The following TYR variants were observed in gnomAD, a reference collection of about 807,000 sequenced individuals.
TYR encodes the protein tyrosinase, also known as LB24-AB.
In TYR, 58 loss-of-function variants were observed where a neutral mutation model predicts 51.5. The observed-to-expected ratio is 1.13, with a 90% CI of 0.91 to 1.40. The LOEUF (loss-of-function observed/expected upper bound fraction) is 1.40, where lower values mean the gene tolerates loss of function less well. Ranked by LOEUF, TYR falls within the 40% of genes most tolerant of loss-of-function variation. The pLI is 0.00. For synonymous variants in TYR, 263 were observed against 235.2 expected (o/e 1.12, Z -1.08); for missense variants, 732 against 647.4 (o/e 1.13, Z -1.42).
intron 4 of TYR, chr11:89,294,376 C>G (rs1944882944): frequency 6.5e-6 from 1 of 152,910 alleles, no homozygotes; most frequent in African/African-American, 2.4e-5. Context: ...GGCTATTATT[C>G]TTACATATAT....
chr11:89,190,361 C>T (rs915298106), intron 1 of TYR, among the ~76,000 whole-genome samples: 1 of 152,082 alleles, frequency 6.6e-6, no homozygotes, highest in Non-Finnish European at 1.5e-5. Context: ...ATATTGACAA[C>T]TTTGACTCTG....
intron 3 of TYR, among the ~76,000 whole-genome samples, chr11:89,262,970 A>AC (rs1944480140): frequency 6.6e-6 from 1 of 151,728 alleles, no homozygotes; most frequent in Admixed American, 6.6e-5. Context: ...CTTTCAAAAA[A>AC]AGTAGAGTAG....
chr11:89,183,622 C>T (rs901278842), intron 1 of TYR, among the ~76,000 whole-genome samples: 1 of 151,922 alleles, frequency 6.6e-6, no homozygotes, highest in African/African-American at 2.4e-5. Context: ...CGATTTTTGT[C>T]CCTAAAATTA....
chr11:89,235,873 T>C (rs1421908614), intron 3 of TYR, among the ~76,000 whole-genome samples: 1 of 152,124 alleles, frequency 6.6e-6, no homozygotes, highest in Non-Finnish European at 1.5e-5. Flanking sequence ...TGTGAGGTGA[T>C]TGCCATTTTA....
At chr11:89,209,802 A>G (rs1027989625) in intron 2 of TYR, among the ~76,000 whole-genome samples, 15 of 152,186 alleles carry the variant, frequency 9.9e-5, no homozygotes, top group Admixed American at 7.2e-4. Context: ...TGCAGGCTCC[A>G]TTGGTGATAC....
chr11:89,190,404 TCA>T (rs1943427480), intron 1 of TYR, among the ~76,000 whole-genome samples: 1 of 152,126 alleles, frequency 6.6e-6, no homozygotes, highest in East Asian at 1.9e-4. Context: ...TGCTTGTGTC[TCA>T]GTTTTTAACG....
rs572327637 is a variant in TYR at position 89,244,846 on chromosome 11, T to G, written c.1184+16876T>G. Among the ~76,000 whole-genome samples, 14 of 152,340 alleles carry G rather than the reference T, an allele frequency of 9.2e-5. No homozygotes were observed. In the South Asian group the frequency reaches 2.3e-3, roughly 25 times the overall value. On this transcript the variant is annotated intron_variant, in intron 3 of 4. Coordinates refer to ENST00000263321, the MANE Select transcript of TYR (RefSeq NM_000372.5). ...CCATGGGGATGAAGTGATTACTAAA[T>G]ACTATTATTCTCCAACTAGTTTCCT...
intron 2 of TYR, among the ~76,000 whole-genome samples, chr11:89,209,336 G>C (rs1000123176): frequency 1.3e-5 from 2 of 152,184 alleles, no homozygotes; most frequent in African/African-American, 2.4e-5. Context: ...CTTGTTCACT[G>C]CTAGTGCAGC....
At position 89,196,317 on chromosome 11, in the gene TYR, A is replaced by G. The variant is rs12808283; in HGVS notation, c.1036+4899A>G. ...GGGAGGATGGAAAATTCATGAAGAT[A>G]GAACCAAAAATAAATAATGTTTCTG... On this transcript the variant is annotated intron_variant, in intron 2 of 4. Coordinates refer to ENST00000263321, the MANE Select transcript of TYR (RefSeq NM_000372.5). 2.1e-4 allele frequency among the ~76,000 whole-genome samples: 32 copies of G among 152,212 alleles called. No individual in the cohort carries two copies. The South Asian group carries it at 6.6e-3, about 32-fold the overall frequency.
In TYR at chr11:89,266,467, G is replaced by A. The variant is rs182979012; in HGVS notation, c.1185-18306G>A. Among the ~76,000 whole-genome samples, 38 of 151,448 alleles carry A rather than the reference G, an allele frequency of 2.5e-4. No homozygotes were observed. In the East Asian group the frequency reaches 7.5e-3, roughly 30 times the overall value. On this transcript the variant is annotated intron_variant, in intron 3 of 4. Transcript: ENST00000263321. Reference sequence around the variant, plus strand: ...TCTGATTTTTCTTACATTTAGTATGGGCCATAGGTACTTAGCCCCATCATA... The same window carrying A: ...TCTGATTTTTCTTACATTTAGTATGAGCCATAGGTACTTAGCCCCATCATA...
chr11:89,227,888 A>C lies in TYR; in HGVS notation c.1102A>C (p.Ile368Leu). The C allele has an allele frequency of 1.2e-6, 2 of 1,613,594 alleles. 1 individual carries two copies. The highest frequency in any genetic ancestry group is 2.2e-5 in the South Asian group (2 of 91,082). The stretch of plus-strand genomic sequence containing the variant: ...AAGCAGCATGCACAATGCCTTGCAC[A>C]TCTATATGAATGGAACAATGTCCCA... ...SQSSMHNALH[I>L]YMNGTMSQVQ... The change falls in exon 3 of 5, where the codon ATC (isoleucine) becomes CTC (leucine). Residue 368 changes from isoleucine (I) to leucine (L), a missense_variant. By Grantham distance (5) the Ile-to-Leu change is conservative. Coordinates refer to ENST00000263321, the MANE Select transcript of TYR (RefSeq NM_000372.5).
At chr11:89,208,331 A>G (rs951019266) in intron 2 of TYR, among the ~76,000 whole-genome samples, 1 of 152,220 alleles carries the variant, frequency 6.6e-6, no homozygotes. Context: ...TGAAATTTAC[A>G]TTTAAATAGA....
chr11:89,252,029 A>G (rs575161854), intron 3 of TYR, among the ~76,000 whole-genome samples: 21 of 151,912 alleles, frequency 1.4e-4, no homozygotes, highest in Admixed American at 2.6e-4. Flanking sequence ...TATCCTCACT[A>G]CAAAATGAGG....
rs149551034 is a variant in TYR at position 89,225,274 on chromosome 11, G to A, written c.1037-2549G>A. Among the ~76,000 whole-genome samples the A allele has an allele frequency of 5.4e-4, 82 of 151,940 alleles. No homozygotes were observed. The Middle Eastern group carries it at 0.017, about 32-fold the overall frequency. On this transcript the variant is annotated intron_variant, in intron 2 of 4. Transcript: ENST00000263321. ...TCTGTTACCTCACATACTTATTTGA[G>A]TAGTAAGAACATTTAAAATCTACTC... is the stretch of plus-strand genomic sequence containing the variant.
In TYR at chr11:89,227,985, CTTTAT is replaced by C; in HGVS notation, c.1184+16_1184+20del. Reference sequence around the variant, plus strand: ...TTTGTTGACAGGTTGGTTAATATTTCTTTATAAATAACGTGCTCATTGGATTTAAA... The same window carrying C: ...TTTGTTGACAGGTTGGTTAATATTTCAAATAACGTGCTCATTGGATTTAAA... On this transcript the variant is annotated intron_variant, in intron 3 of 4. Transcript: ENST00000263321. The C allele has an allele frequency of 6.2e-7, 1 of 1,612,640 alleles. No individual in the cohort carries two copies. Among genetic ancestry groups the C allele is most frequent in the Non-Finnish European group, 8.5e-7 (1 of 1,179,364 alleles).
intron 2 of TYR, among the ~76,000 whole-genome samples, chr11:89,209,753 G>A (rs1943726690): frequency 6.6e-6 from 1 of 152,124 alleles, no homozygotes; most frequent in Admixed American, 6.5e-5. Flanking sequence ...CTGGGACGAA[G>A]CTTCCAGAGG....
chr11:89,252,134 A>G (rs1354683034), intron 3 of TYR, among the ~76,000 whole-genome samples: 1 of 151,782 alleles, frequency 6.6e-6, no homozygotes, highest in Non-Finnish European at 1.5e-5. Flanking sequence ...TTTATGTGCA[A>G]TTCTTAAAGT....
intron 1 of TYR, among the ~76,000 whole-genome samples, chr11:89,183,095 C>T (rs1268867865): frequency 6.6e-6 from 1 of 151,866 alleles, no homozygotes; most frequent in Non-Finnish European, 1.5e-5. Flanking sequence ...TACATTTTTT[C>T]CCCCAGATAA....
chr11:89,269,217 G>A (rs1331773414), intron 3 of TYR, among the ~76,000 whole-genome samples: 1 of 152,068 alleles, frequency 6.6e-6, no homozygotes, highest in South Asian at 2.1e-4. Flanking sequence ...GGTAAGAGGG[G>A]TGAGGCTTTG....
Sources: allele counts gnomAD v4.1 joint callset (sites outside exome capture counted in the v4.1 genomes callset), GRCh38; gene constraint gnomAD v4.1.1; transcripts MANE v1.5; gene names NCBI Gene and HGNC (gene_info 2026-07-23, HGNC 2026-07-21).